Variants in PRKCH observed in about 807,000 individuals in gnomAD.
PRKCH encodes the protein protein kinase C eta type.
In PRKCH, 28 loss-of-function variants were observed where a neutral mutation model predicts 82.5. That is an observed-to-expected ratio of 0.34 (90% CI 0.25 to 0.47). The LOEUF is 0.47. Ranked by LOEUF, PRKCH falls within the 20% of genes least tolerant of loss-of-function variation. PRKCH has a pLI of 1.00. For missense variants in PRKCH, 705 were observed against 881.8 expected, an observed-to-expected ratio of 0.80 and a Z score of 2.54; for synonymous variants, 322 against 327.4, an observed-to-expected ratio of 0.98 and a Z score of 0.18.
At chr14:61,190,788 C>T (rs1287178696) in intron 1 of PRKCH, among the ~76,000 whole-genome samples, 1 of 152,170 alleles carries the variant, frequency 6.6e-6, no homozygotes, top group Non-Finnish European at 1.5e-5. Flanking sequence ...GGACTCCCAG[C>T]TCATATGTCA....
At chr14:61,246,372 C>T (rs530176118) in intron 1 of PRKCH, among the ~76,000 whole-genome samples, 9 of 150,826 alleles carry the variant, frequency 6.0e-5, no homozygotes, top group Non-Finnish European at 1.3e-4. Flanking sequence ...CGACCCACTG[C>T]ACTCCAGCCT....
intron 1 of PRKCH, among the ~76,000 whole-genome samples, chr14:61,190,799 C>A (rs1391196968): frequency 6.6e-6 from 1 of 152,328 alleles, no homozygotes; most frequent in Non-Finnish European, 1.5e-5. Context: ...TCATATGTCA[C>A]TTCCTCAGAG....
chr14:61,457,054 T>C, intron 7 of PRKCH, 122 bp from the exon 8 acceptor site: 1 of 1,058,518 alleles, frequency 9.4e-7, no homozygotes, highest in South Asian at 1.7e-5. Context: ...TCAAACTGAG[T>C]TGATCTTTCC....
intron 2 of PRKCH, among the ~76,000 whole-genome samples, chr14:61,428,110 C>CATATATATATATATATATATAT (rs1435502380): frequency 1.3e-5 from 1 of 75,444 alleles, no homozygotes; most frequent in African/African-American, 5.3e-5. Context: ...TATATATACA[C>CATATATATATATATATATATAT]ACATATATAT....
At chr14:61,453,420 A>G (rs939931549) in intron 7 of PRKCH, 67 bp downstream of exon 7, 6 of 1,548,238 alleles carry the variant, frequency 3.9e-6, no homozygotes, top group Non-Finnish European at 5.3e-6. Flanking sequence ...AGCCCAAATG[A>G]GAGCATGTGG....
intron 1 of PRKCH, among the ~76,000 whole-genome samples, chr14:61,252,181 C>T (rs2044952665): frequency 6.6e-6 from 1 of 152,116 alleles, no homozygotes; most frequent in Admixed American, 6.6e-5. Context: ...CAGCTCCATC[C>T]TCACCAGATT....
At chr14:61,210,056 G>A (rs996341635) in intron 1 of PRKCH, among the ~76,000 whole-genome samples, 13 of 145,692 alleles carry the variant, frequency 8.9e-5, no homozygotes, top group Middle Eastern at 3.5e-3. Context: ...GGCCAACACC[G>A]TGAAACCCTG....
intron 2 of PRKCH, among the ~76,000 whole-genome samples, chr14:61,419,110 A>G (rs1252008258): frequency 6.6e-6 from 1 of 152,230 alleles, no homozygotes; most frequent in Non-Finnish European, 1.5e-5. Context: ...AAATAAAGAC[A>G]GAGTCTTAGC....
intron 1 of PRKCH, among the ~76,000 whole-genome samples, chr14:61,208,169 C>A (rs978451124): frequency 1.3e-5 from 2 of 151,910 alleles, no homozygotes; most frequent in Non-Finnish European, 2.9e-5. Flanking sequence ...TTACTGAATT[C>A]TCTTATTTAA....
chr14:61,523,594 G>T (rs1230585944), intron 10 of PRKCH, among the ~76,000 whole-genome samples: 1 of 152,194 alleles, frequency 6.6e-6, no homozygotes, highest in East Asian at 1.9e-4. Context: ...TATAGATAAA[G>T]CACTTAGCAT....
At chr14:61,276,715 T>C (rs1256570874) in intron 1 of PRKCH, among the ~76,000 whole-genome samples, 1 of 86,824 alleles carries the variant, frequency 1.2e-5, no homozygotes, top group African/African-American at 4.3e-5. Context: ...AGGAACTAGT[T>C]GATGACCTTG....
intron 1 of PRKCH, among the ~76,000 whole-genome samples, chr14:61,340,301 G>A (rs2045915702): frequency 7.1e-6 from 1 of 139,952 alleles, no homozygotes; most frequent in South Asian, 2.3e-4. Context: ...GCTTACTGAT[G>A]TGTTTTTAAG....
chr14:61,466,887 C>G (rs867010407), intron 9 of PRKCH, among the ~76,000 whole-genome samples: 2 of 152,130 alleles, frequency 1.3e-5, no homozygotes, highest in African/African-American at 4.8e-5. Flanking sequence ...GAAACCACTT[C>G]TCAAATGGCC....
Position 61,324,364 on chromosome 14 carries a change from T to C in PRKCH, c.363+1900T>C, listed in dbSNP as rs144484787. On this transcript the variant is annotated intron_variant, in intron 1 of 13. Transcript: ENST00000332981. Reference sequence around the variant, plus strand: ...CCCACTGGTGGTGTTTTGGAAAACGTTGAGTGGTTGGTAGGGAGGGTCAGC... The same window carrying C: ...CCCACTGGTGGTGTTTTGGAAAACGCTGAGTGGTTGGTAGGGAGGGTCAGC... Among the ~76,000 whole-genome samples the C allele has an allele frequency of 5.1e-3, 775 of 152,328 alleles. 3 individuals are homozygous for C. The highest frequency in any genetic ancestry group is 0.01 in the Middle Eastern group (3 of 294).
At chr14:61,531,578 G>A (rs1187977648) in intron 12 of PRKCH, among the ~76,000 whole-genome samples, 1 of 152,158 alleles carries the variant, frequency 6.6e-6, no homozygotes, top group Non-Finnish European at 1.5e-5. Flanking sequence ...GTGTACTGGG[G>A]CTGAAGGCTT....
chr14:61,314,208 G>GT (rs1009697026), intron 1 of PRKCH, among the ~76,000 whole-genome samples: 5 of 151,786 alleles, frequency 3.3e-5, no homozygotes, highest in South Asian at 2.1e-4. Flanking sequence ...TGTGTATGAA[G>GT]TTTTTTTTAT....
At chr14:61,458,781 A>G (rs114712605) in intron 9 of PRKCH, among the ~76,000 whole-genome samples, 3,527 of 152,160 alleles carry the variant, frequency 0.023, 149 homozygotes, top group African/African-American at 0.081. Flanking sequence ...TGAAGGGGGA[A>G]AAGCTACACA....
chr14:61,189,681 AT>A (rs937965180), intron 1 of PRKCH, among the ~76,000 whole-genome samples: 35 of 130,958 alleles, frequency 2.7e-4, no homozygotes, highest in Admixed American at 7.6e-4. Flanking sequence ...ATGTTACTTG[AT>A]TTTTTTTTTT....
chr14:61,190,810 A>G (rs940880201), intron 1 of PRKCH, among the ~76,000 whole-genome samples: 1 of 152,122 alleles, frequency 6.6e-6, no homozygotes, highest in Non-Finnish European at 1.5e-5. Flanking sequence ...TTCCTCAGAG[A>G]TGCCATCCCA....
Sources: gnomAD v4.1 joint callset for allele counts (sites outside exome capture counted in the v4.1 genomes callset) on GRCh38, gnomAD v4.1.1 for gene constraint, MANE v1.5 for transcripts, NCBI Gene and HGNC (gene_info 2026-07-23, HGNC 2026-07-21) for gene names.